Variants in CDH12 observed in about 807,000 individuals in gnomAD.
The protein encoded by CDH12 is cadherin 12.
CDH12 carries 41 observed loss-of-function variants against 74.1 expected under a neutral mutation model. That is an observed-to-expected ratio of 0.55 (90% CI 0.43 to 0.72). CDH12 has a LOEUF of 0.72. CDH12 is among the 30% of genes least tolerant of loss of function. The pLI is 0.00. For synonymous variants in CDH12, 399 were observed against 355.0 expected (o/e 1.12, Z -1.39); for missense variants, 945 against 977.2 (o/e 0.97, Z 0.44).
chr5:21,915,581 A>C (rs1046119591), intron 6 of CDH12, among the ~76,000 whole-genome samples: 1 of 152,124 alleles, frequency 6.6e-6, no homozygotes, highest in Non-Finnish European at 1.5e-5. Flanking sequence ...GAAATGCCAG[A>C]TTTAGACAGC....
rs9293007 is a variant in CDH12, at chr5:22,070,890, C to T, written c.231+7556G>A. Among the ~76,000 whole-genome samples the T allele has an allele frequency of 3.8e-3, 586 of 152,220 alleles. 6 individuals are homozygous for T. Among genetic ancestry groups the T allele is most frequent in the African/African-American group, 0.013 (547 of 41,538 alleles). On this transcript the variant is annotated intron_variant, in intron 5 of 14. Coordinates refer to ENST00000382254, the MANE Select transcript of CDH12 (RefSeq NM_004061.5). ...ACTAACACATGAACAGACAACCAAA[C>T]GCTACATGTTCTCATTTATAATAGG...
chr5:22,598,970 A>G (rs911613471), intron 1 of CDH12, among the ~76,000 whole-genome samples: 10 of 152,108 alleles, frequency 6.6e-5, no homozygotes, highest in African/African-American at 2.2e-4. Flanking sequence ...TAATATTGCT[A>G]TTACCTCCTG....
chr5:22,049,651 TA>T (rs1300286358), intron 5 of CDH12, among the ~76,000 whole-genome samples: 5 of 152,182 alleles, frequency 3.3e-5, no homozygotes, highest in Non-Finnish European at 7.4e-5. Flanking sequence ...GTCCTACTTC[TA>T]AAATTCTCTC....
At chr5:22,637,470 C>T (rs939896358) in intron 1 of CDH12, among the ~76,000 whole-genome samples, 3 of 152,228 alleles carry the variant, frequency 2.0e-5, no homozygotes, top group South Asian at 2.1e-4. Flanking sequence ...GAAACTAAAA[C>T]ATTTTCTCTA....
chr5:22,727,904 T>C (rs1192670034), intron 1 of CDH12, among the ~76,000 whole-genome samples: 1 of 151,802 alleles, frequency 6.6e-6, no homozygotes, highest in East Asian at 1.9e-4. Flanking sequence ...CACTGCTGTG[T>C]TTAGCTGTGA....
intron 4 of CDH12, among the ~76,000 whole-genome samples, chr5:22,120,253 T>C (rs1216099299): frequency 2.0e-5 from 3 of 152,158 alleles, no homozygotes; most frequent in Non-Finnish European, 4.4e-5. Context: ...AATTTTGTCC[T>C]TGGCATCATG....
At chr5:22,010,333 T>C (rs1231740778) in intron 5 of CDH12, among the ~76,000 whole-genome samples, 2 of 152,206 alleles carry the variant, frequency 1.3e-5, no homozygotes, top group African/African-American at 4.8e-5. Flanking sequence ...TTCTTACTTT[T>C]CCTGTGATCA....
chr5:21,772,654 A>G (rs540990382), intron 11 of CDH12, among the ~76,000 whole-genome samples: 9 of 152,192 alleles, frequency 5.9e-5, no homozygotes, highest in Non-Finnish European at 1.3e-4. Flanking sequence ...ATCATATTGA[A>G]TCTATTCCTA....
At chr5:22,489,139 G>C (rs1376980249) in intron 2 of CDH12, among the ~76,000 whole-genome samples, 4 of 117,712 alleles carry the variant, frequency 3.4e-5, no homozygotes, top group South Asian at 2.6e-4. Flanking sequence ...CTCACTGCAA[G>C]CTCCACCTCC....
At chr5:21,938,157 G>C (rs544182805) in intron 6 of CDH12, among the ~76,000 whole-genome samples, 2 of 151,842 alleles carry the variant, frequency 1.3e-5, no homozygotes, top group South Asian at 4.2e-4. Context: ...CTTTTGTCTT[G>C]ATGTCTTAAT....
At chr5:22,678,415 T>C (rs1164627932) in intron 1 of CDH12, among the ~76,000 whole-genome samples, 1 of 152,102 alleles carries the variant, frequency 6.6e-6, no homozygotes, top group Non-Finnish European at 1.5e-5. Flanking sequence ...ATTTTTAAGA[T>C]TGAAACAATT....
intron 3 of CDH12, among the ~76,000 whole-genome samples, chr5:22,361,185 C>T (rs1480272924): frequency 6.6e-6 from 1 of 152,122 alleles, no homozygotes; most frequent in Non-Finnish European, 1.5e-5. Context: ...AAAATCCCAT[C>T]TTCTCAGCCC....
chr5:22,611,765 T>C (rs541037808), intron 1 of CDH12, among the ~76,000 whole-genome samples: 28 of 152,066 alleles, frequency 1.8e-4, no homozygotes, highest in South Asian at 1.2e-3. Flanking sequence ...CAGAATCTAA[T>C]TGGAAACTAG....
chr5:22,220,033 T>G (rs1751957884), intron 3 of CDH12, among the ~76,000 whole-genome samples: 1 of 151,804 alleles, frequency 6.6e-6, no homozygotes, highest in South Asian at 2.1e-4. Context: ...GCTTAATGTA[T>G]ATCACCATTG....
At chr5:22,202,954 T>A (rs1327948476) in intron 4 of CDH12, among the ~76,000 whole-genome samples, 1 of 152,196 alleles carries the variant, frequency 6.6e-6, no homozygotes, top group African/African-American at 2.4e-5. Flanking sequence ...CTTTTTAAAT[T>A]TTTTAAAATT....
At position 21,752,096 on chromosome 5, in the gene CDH12, C is replaced by G. The variant is rs1221586757; in HGVS notation, c.2026G>C (p.Gly676Arg). 1.2e-6 allele frequency: 2 copies of G among 1,614,054 alleles called. No individual in the cohort carries two copies. The highest frequency in any genetic ancestry group is 1.7e-6 in the Non-Finnish European group (2 of 1,180,000). The change falls in exon 15 of 15, where the codon GGG (glycine) becomes CGG (arginine). Residue 676 changes from glycine (G) to arginine (R), a missense_variant. Around this residue, in one of 3 missense-constraint regions of CDH12, gnomAD observed 791 missense variants for 792.8 expected, o/e 1.00. Coordinates refer to ENST00000382254, the MANE Select transcript of CDH12 (RefSeq NM_004061.5). ...GEEDTQAFDI[G>R]ALRNPKVIEE... ...ATCACTTTTGGGTTTCTCAGAGCCC[C>G]GATGTCGAAAGCCTGGGTATCTTCC...
chr5:22,035,709 CACAT>C (rs952532480), intron 5 of CDH12, among the ~76,000 whole-genome samples: 10 of 111,868 alleles, frequency 8.9e-5, no homozygotes, highest in African/African-American at 3.8e-4. Context: ...TTACACTTCA[CACAT>C]ACACACACAC....
At chr5:22,153,804 GC>G in intron 4 of CDH12, among the ~76,000 whole-genome samples, 1 of 146,314 alleles carries the variant, frequency 6.8e-6, no homozygotes, top group Non-Finnish European at 1.5e-5. Flanking sequence ...CTAAATGTCT[GC>G]CAACAGATGA....
chr5:22,096,671 G>T (rs1286256105), intron 4 of CDH12, among the ~76,000 whole-genome samples: 1 of 152,060 alleles, frequency 6.6e-6, no homozygotes, highest in East Asian at 1.9e-4. Flanking sequence ...GCATAGTTAA[G>T]TTTAATGCTC....
Sources: allele counts gnomAD v4.1 joint callset (sites outside exome capture counted in the v4.1 genomes callset), GRCh38; gene constraint gnomAD v4.1.1; regional missense constraint gnomAD v4.1.1; transcripts MANE v1.5; gene names NCBI Gene and HGNC (gene_info 2026-07-23, HGNC 2026-07-21).